The following CBL variants were observed in gnomAD, a reference collection of about 807,000 sequenced individuals.
CBL encodes Cbl proto-oncogene.
Under a neutral mutation model 96.9 loss-of-function variants are expected in CBL, and 45 were observed. The observed-to-expected ratio is 0.46, with a 90% CI of 0.37 to 0.60. CBL has a LOEUF of 0.60. CBL is among the 20% of genes least tolerant of loss of function. CBL has a pLI of 0.00. For synonymous variants in CBL, 420 were observed against 426.8 expected (o/e 0.98, Z 0.20); for missense variants, 1,024 against 1,143.5 (o/e 0.90, Z 1.51).
intron 1 of CBL, among the ~76,000 whole-genome samples, chr11:119,211,978 G>A (rs1256681334): frequency 6.6e-6 from 1 of 152,098 alleles, no homozygotes; most frequent in East Asian, 1.9e-4. Context: ...GGAGTGCAAT[G>A]GCATGATCTC....
intron 1 of CBL, among the ~76,000 whole-genome samples, chr11:119,210,746 G>C (rs150159313): frequency 1.3e-5 from 2 of 150,812 alleles, no homozygotes; most frequent in Non-Finnish European, 2.9e-5. Flanking sequence ...GAGCCACCGC[G>C]CCTGGCTCAA....
At chr11:119,262,367 G>T (rs1949760920) in intron 2 of CBL, among the ~76,000 whole-genome samples, 1 of 152,144 alleles carries the variant, frequency 6.6e-6, no homozygotes, top group African/African-American at 2.4e-5. Context: ...GGAAAAAACT[G>T]GTGAAGCCTG....
rs756736832 is a variant in CBL at position 119,271,863 on chromosome 11, G to C, written c.572G>C (p.Arg191Thr). Residue 191 changes from arginine to threonine, a missense_variant, in exon 3 of 16, where the codon AGA becomes ACA. Transcript: ENST00000264033. ...AAAGCAGATGCTGCGGAATTTTGGA[G>C]AAAAGCTTTTGGGGAAAAGTAAGTC... ...ITKADAAEFW[R>T]KAFGEKTIVP... 5.0e-6 allele frequency: 8 copies of C among 1,613,996 alleles called. No individual in the cohort carries two copies. Among genetic ancestry groups the C allele is most frequent in the Non-Finnish European group, 6.8e-6 (8 of 1,179,948 alleles).
intron 1 of CBL, among the ~76,000 whole-genome samples, chr11:119,227,302 A>G (rs1195053541): frequency 2.6e-5 from 4 of 152,200 alleles, no homozygotes; most frequent in Non-Finnish European, 5.9e-5. Flanking sequence ...TAGGCTAAGT[A>G]TATTAAATAT....
intron 2 of CBL, among the ~76,000 whole-genome samples, chr11:119,256,549 G>A (rs1289923710): frequency 6.6e-6 from 1 of 151,862 alleles, no homozygotes; most frequent in Non-Finnish European, 1.5e-5. Context: ...CTTTTTTTTA[G>A]ATTTTTCTTT....
chr11:119,278,414 T>A (rs1039204819), intron 8 of CBL, 96 bp from the exon 9 acceptor site: 3 of 1,547,980 alleles, frequency 1.9e-6, no homozygotes, highest in Non-Finnish European at 1.8e-6. Context: ...TTTAAACTTT[T>A]ACTTTTTTTT....
At chr11:119,288,912 C>A (rs1328410471) in intron 12 of CBL, among the ~76,000 whole-genome samples, 1 of 152,150 alleles carries the variant, frequency 6.6e-6, no homozygotes, top group Non-Finnish European at 1.5e-5. Context: ...CGGTATTCCA[C>A]CCATTTTGAT....
At chr11:119,270,436 A>ATTTTTTTTTTTTTT in intron 2 of CBL, among the ~76,000 whole-genome samples, 1 of 38,656 alleles carries the variant, frequency 2.6e-5, no homozygotes, top group Non-Finnish European at 4.3e-5. Context: ...ATATATATAT[A>ATTTTTTTTTTTTTT]TTTTTTTTTT....
At chr11:119,236,591 T>A (rs1268215079) in intron 2 of CBL, among the ~76,000 whole-genome samples, 1 of 111,048 alleles carries the variant, frequency 9.0e-6, no homozygotes, top group African/African-American at 3.9e-5. Flanking sequence ...TTCACTTCTT[T>A]TGAGTATATA....
At chr11:119,217,746 C>A (rs1282065736) in intron 1 of CBL, among the ~76,000 whole-genome samples, 1 of 151,724 alleles carries the variant, frequency 6.6e-6, no homozygotes, top group Non-Finnish European at 1.5e-5. Flanking sequence ...TTATGATGTT[C>A]TTCAACTATG....
chr11:119,306,347 G>C lies in CBL; in HGVS notation c.*6566G>C. ...TTTGGCAGCTGAAGAAATCAGCAGA[G>C]TCCTGATTGCCTGATTCAGTCCCAA... On this transcript the variant is annotated 3_prime_UTR_variant, in exon 16 of 16. Coordinates refer to ENST00000264033, the MANE Select transcript of CBL (RefSeq NM_005188.4). 2.5e-6 allele frequency: 1 copy of C among 398,764 alleles called. No homozygotes were observed. 24.7% of individuals were successfully genotyped at this position (398,764 alleles called of 1,614,324 possible).
intron 9 of CBL, among the ~76,000 whole-genome samples, chr11:119,281,467 G>A (rs374719651): frequency 4.7e-5 from 7 of 149,780 alleles, no homozygotes; most frequent in Admixed American, 1.3e-4. Context: ...GCTTTTCAGC[G>A]CTTCCTTTCC....
chr11:119,271,672 T>C (rs550187632), intron 2 of CBL, 63 bp from the exon 3 acceptor site: 7 of 1,341,884 alleles, frequency 5.2e-6, no homozygotes, highest in Non-Finnish European at 7.5e-6. Context: ...GTATGGTGAA[T>C]TTGGTGCATT....
intron 2 of CBL, among the ~76,000 whole-genome samples, chr11:119,269,424 C>T (rs906269609): frequency 6.6e-6 from 1 of 151,894 alleles, no homozygotes. Context: ...AGGCTAGTCT[C>T]AAACTCCTGA....
intron 1 of CBL, among the ~76,000 whole-genome samples, chr11:119,228,554 T>G (rs1479509790): frequency 1.3e-5 from 2 of 149,892 alleles, no homozygotes; most frequent in African/African-American, 4.9e-5. Flanking sequence ...TGCAGTGAGC[T>G]GAGATCGCAC....
chr11:119,261,114 A>G (rs1281979225), intron 2 of CBL, among the ~76,000 whole-genome samples: 2 of 151,584 alleles, frequency 1.3e-5, no homozygotes, highest in African/African-American at 2.4e-5. Context: ...GGGTTTTGCC[A>G]TGTTGGCCAG....
intron 1 of CBL, among the ~76,000 whole-genome samples, chr11:119,229,669 G>A (rs910045814): frequency 2.0e-5 from 3 of 151,298 alleles, no homozygotes; most frequent in Non-Finnish European, 2.9e-5. Context: ...AAGAAATGTT[G>A]TATTGAGAAT....
At chr11:119,278,330 T>G in intron 8 of CBL, 33 bp downstream of exon 8, 1 of 1,613,192 alleles carries the variant, frequency 6.2e-7, no homozygotes, top group Non-Finnish European at 8.5e-7. Flanking sequence ...TTTTCAGCTA[T>G]GTAATAACCT....
rs540636738 is a variant in CBL, at chr11:119,231,919, G to C, written c.196-529G>C. 5.3e-5 allele frequency among the ~76,000 whole-genome samples: 8 copies of C among 151,294 alleles called. 1 individual carries two copies. Among genetic ancestry groups the C allele is most frequent in the African/African-American group, 1.9e-4 (8 of 41,244 alleles). On this transcript the variant is annotated intron_variant, in intron 1 of 15. Coordinates refer to ENST00000264033, the MANE Select transcript of CBL (RefSeq NM_005188.4). ...AGCTCAGGAGTTTGGGTCTAGCCTG[G>C]GCAACATGTCTCTAAAAAAAAAAAA...
Sources: gnomAD v4.1 joint callset for allele counts (sites outside exome capture counted in the v4.1 genomes callset) on GRCh38, gnomAD v4.1.1 for gene constraint, MANE v1.5 for transcripts, NCBI Gene and HGNC (gene_info 2026-07-23, HGNC 2026-07-21) for gene names.